Variants in CBR4 observed in about 807,000 individuals in gnomAD.
CBR4 encodes carbonyl reductase 4, also known as 3-oxoacyl-[acyl-carrier-protein] reductase.
In CBR4, 22 loss-of-function variants were observed where a neutral mutation model predicts 21.0. The observed-to-expected ratio is 1.05, with a 90% CI of 0.75 to 1.50. CBR4 has a LOEUF of 1.50. Among genes scored for constraint, CBR4 ranks in the 40% most tolerant of loss-of-function variants. The pLI is 0.00. For synonymous variants in CBR4, 100 were observed against 104.4 expected (o/e 0.96, Z 0.26); for missense variants, 302 against 286.3 (o/e 1.05, Z -0.40).
intron 2 of CBR4, among the ~76,000 whole-genome samples, chr4:168,979,554 G>A (rs1261915160): frequency 5.8e-5 from 1 of 17,260 alleles, no homozygotes; most frequent in African/African-American, 9.1e-5. Context: ...CTGCCATTGC[G>A]GGGCTTCAGC....
Position 169,010,190 on chromosome 4 carries a change from G to GAA in CBR4, c.-103_-102dup. ...ACCGCGGTTCCAAAAAAAAAAAAAA[G>GAA]AAAAAAAAAGGCAAACCGCAAAAAA... On this transcript the variant is annotated 5_prime_UTR_variant, in exon 1 of 5. Coordinates refer to ENST00000306193, the MANE Select transcript of CBR4 (RefSeq NM_032783.5). 1 of 623,634 alleles carries GAA rather than the reference G, an allele frequency of 1.6e-6. No homozygotes were observed. Among genetic ancestry groups the GAA allele is most frequent in the Non-Finnish European group, 2.3e-6 (1 of 431,374 alleles). The allele number at this position is 623,634 out of a possible 1,614,324, so 38.6% of individuals were successfully genotyped here. A position where few individuals can be genotyped will look rare whatever the true frequency, so the allele number is the denominator to read the frequency against.
In CBR4 at chr4:168,896,716, G is replaced by T; in HGVS notation, n.170-1951C>A. 3 of 659,042 alleles carry T rather than the reference G, an allele frequency of 4.6e-6. No individual in the cohort carries two copies. In the South Asian group the frequency reaches 5.6e-5, roughly 12 times the overall value. The allele number at this position is 659,042 out of a possible 1,614,324, so 40.8% of individuals were successfully genotyped here. A position where few individuals can be genotyped will look rare whatever the true frequency, so the allele number is the denominator to read the frequency against. On this transcript the variant is annotated intron_variant and non_coding_transcript_variant, in intron 2 of 3. Transcript: ENST00000509108. Reference sequence around the variant, plus strand: ...GCCATATATTAATTATAAATGCTATGACCAGTGTCTGTTTCATTTAATATC... The same window carrying T: ...GCCATATATTAATTATAAATGCTATTACCAGTGTCTGTTTCATTTAATATC...
In CBR4 at chr4:168,989,181, A is replaced by T; in HGVS notation, c.*969T>A. 1.0e-6 allele frequency: 1 copy of T among 967,870 alleles called. No homozygotes were observed. Among genetic ancestry groups the T allele is most frequent in the Non-Finnish European group, 1.2e-6 (1 of 813,956 alleles). The allele number at this position is 967,870 out of a possible 1,614,324, so 60.0% of individuals were successfully genotyped here. A position where few individuals can be genotyped will look rare whatever the true frequency, so the allele number is the denominator to read the frequency against. ...TTACTTTCTAGAATTTTGGGATAAGAATCATAATCACTAATGCAAAATACT... is the reference window on the plus strand; with the variant it reads ...TTACTTTCTAGAATTTTGGGATAAGTATCATAATCACTAATGCAAAATACT... On this transcript the variant is annotated 3_prime_UTR_variant, in exon 5 of 5. Transcript: ENST00000306193.
chr4:168,916,176 C>A, intron 2 of CBR4: 1 of 810,056 alleles, frequency 1.2e-6, no homozygotes, highest in Non-Finnish European at 2.1e-6. Context: ...ACTTTAGAGT[C>A]CAAAGCCGGG....
intron 2 of CBR4, among the ~76,000 whole-genome samples, chr4:168,940,243 A>T (rs922221746): frequency 2.0e-5 from 3 of 152,242 alleles, no homozygotes; most frequent in African/African-American, 7.2e-5. Context: ...CCATATGCAG[A>T]AAACTGAAAC....
chr4:168,976,070 G>T lies in CBR4; in HGVS notation n.169+26001C>A, dbSNP rs113631482. Among the ~76,000 whole-genome samples the T allele has an allele frequency of 9.6e-4, 146 of 152,318 alleles. 1 individual carries two copies. Among genetic ancestry groups the T allele is most frequent in the African/African-American group, 3.4e-3 (141 of 41,560 alleles). Reference sequence around the variant, plus strand: ...GCCTTGCCTCCCCACCTGCCAACATGTTCAGCTGCATCTTCTGCGCTCATA... The same window carrying T: ...GCCTTGCCTCCCCACCTGCCAACATTTTCAGCTGCATCTTCTGCGCTCATA... On this transcript the variant is annotated intron_variant and non_coding_transcript_variant, in intron 2 of 3. Coordinates refer to the CBR4 transcript ENST00000509108.
At chr4:168,914,938 C>T (rs1582143762) in intron 2 of CBR4, among the ~76,000 whole-genome samples, 1 of 151,966 alleles carries the variant, frequency 6.6e-6, no homozygotes, top group East Asian at 1.9e-4. Context: ...CATGGCAATA[C>T]CTATTCACAG....
At chr4:168,916,594 A>G (rs772300018) in intron 2 of CBR4, among the ~76,000 whole-genome samples, 19 of 152,154 alleles carry the variant, frequency 1.2e-4, no homozygotes, top group Non-Finnish European at 4.4e-5. Context: ...AATAATAAAT[A>G]TGATAAATCT....
In CBR4 at chr4:168,914,889, C is replaced by T. The variant is rs952140; in HGVS notation, n.170-20124G>A. Among the ~76,000 whole-genome samples the T allele has an allele frequency of 1.8e-4, 28 of 152,244 alleles. 1 individual carries two copies. In the South Asian group the frequency reaches 5.8e-3, roughly 32 times the overall value. ...TTTGTTCAACATTTGGAAGACAGTT[C>T]TGGCACCAGAGCATGTGTAGATTTA... On this transcript the variant is annotated intron_variant and non_coding_transcript_variant, in intron 2 of 3. Transcript: ENST00000509108.
At chr4:168,907,121 G>GATAATA (rs149118003) in intron 2 of CBR4, among the ~76,000 whole-genome samples, 2 of 150,966 alleles carry the variant, frequency 1.3e-5, no homozygotes, top group Non-Finnish European at 3.0e-5. Context: ...AAATGAGGAT[G>GATAATA]ATAATAATAA....
At chr4:168,902,220 T>G (rs1389611474) in intron 2 of CBR4, among the ~76,000 whole-genome samples, 1 of 152,196 alleles carries the variant, frequency 6.6e-6, no homozygotes, top group African/African-American at 2.4e-5. Context: ...AAGGAAGAAG[T>G]TTGTTTTAAC....
At chr4:168,957,762 T>G (rs1183002673) in intron 2 of CBR4, among the ~76,000 whole-genome samples, 1 of 152,192 alleles carries the variant, frequency 6.6e-6, no homozygotes, top group Non-Finnish European at 1.5e-5. Flanking sequence ...CACCCAAATG[T>G]TATCTTGAAC....
Position 168,990,330 on chromosome 4 carries a change from T to C in CBR4, c.536-2A>G, listed in dbSNP as rs1183024649. On this transcript the variant is annotated splice_acceptor_variant, in intron 4 of 4. Coordinates refer to ENST00000306193, the MANE Select transcript of CBR4 (RefSeq NM_032783.5). LOFTEE classifies it high-confidence loss of function. Reference sequence around the variant, plus strand: ...TCGTCATATCTGTGTGTACAAATCCTAAAAGAGAAATGTTTGTTTAGTTGA... The same window carrying C: ...TCGTCATATCTGTGTGTACAAATCCCAAAAGAGAAATGTTTGTTTAGTTGA... The C allele has an allele frequency of 6.3e-7, 1 of 1,588,284 alleles. No individual in the cohort carries two copies.
chr4:168,902,443 C>A (rs1251601474), intron 2 of CBR4, among the ~76,000 whole-genome samples: 1 of 152,078 alleles, frequency 6.6e-6, no homozygotes, highest in Non-Finnish European at 1.5e-5. Context: ...TATGATGGGC[C>A]TATCTTTCAA....
intron 2 of CBR4, among the ~76,000 whole-genome samples, chr4:168,923,790 C>T (rs896177795): frequency 6.6e-6 from 1 of 152,108 alleles, no homozygotes; most frequent in South Asian, 2.1e-4. Context: ...TTAAGAGTTA[C>T]AAATATTCAG....
intron 2 of CBR4, among the ~76,000 whole-genome samples, chr4:168,973,904 C>T (rs879730124): frequency 2.0e-5 from 3 of 152,156 alleles, no homozygotes; most frequent in Admixed American, 2.0e-4. Context: ...GGACCATTTA[C>T]ACCATTTATA....
chr4:168,902,789 CTTTT>C (rs1756821005), intron 2 of CBR4, among the ~76,000 whole-genome samples: 1 of 152,080 alleles, frequency 6.6e-6, no homozygotes, highest in African/African-American at 2.4e-5. Flanking sequence ...TACATTGTTT[CTTTT>C]GAGACAGGGC....
intron 2 of CBR4, among the ~76,000 whole-genome samples, chr4:168,946,482 T>C (rs1323299551): frequency 1.3e-5 from 2 of 152,198 alleles, no homozygotes; most frequent in African/African-American, 2.4e-5. Flanking sequence ...TGCTGCACCA[T>C]GTGTGATACT....
chr4:168,929,257 G>A (rs1428339139), intron 2 of CBR4, among the ~76,000 whole-genome samples: 4 of 151,942 alleles, frequency 2.6e-5, no homozygotes, highest in Admixed American at 6.6e-5. Flanking sequence ...TACAACAGAC[G>A]GACAACATAT....
Sources: allele counts gnomAD v4.1 joint callset (sites outside exome capture counted in the v4.1 genomes callset), GRCh38; gene constraint gnomAD v4.1.1; transcripts MANE v1.5; gene names NCBI Gene and HGNC (gene_info 2026-07-23, HGNC 2026-07-21).